The following PCGF3 variants were observed in gnomAD, a reference collection of about 807,000 sequenced individuals.
The protein encoded by PCGF3 is polycomb group ring finger 3, also known as polycomb group RING finger protein 3.
Under a neutral mutation model 33.1 loss-of-function variants are expected in PCGF3, and 7 were observed. The ratio of observed to expected loss-of-function variants is 0.21; its 90% CI spans 0.12 to 0.40. PCGF3 has a LOEUF of 0.40. Ranked by LOEUF, PCGF3 falls within the 10% of genes least tolerant of loss-of-function variation. The pLI, the probability that PCGF3 is intolerant of heterozygous loss-of-function variation, is 1.00. For synonymous variants in PCGF3, 153 were observed against 121.3 expected, an observed-to-expected ratio of 1.26 and a Z score of -1.72; for missense variants, 211 against 313.3, an observed-to-expected ratio of 0.67 and a Z score of 2.46.
chr4:728,399 CTG>C (rs545648218), intron 1 of PCGF3, among the ~76,000 whole-genome samples: 44 of 151,028 alleles, frequency 2.9e-4, no homozygotes, highest in Non-Finnish European at 5.5e-4. Context: ...CGTAAGTAAT[CTG>C]GGGATGGCGT....
chr4:728,837 C>T (rs1743434214), intron 1 of PCGF3, among the ~76,000 whole-genome samples: 1 of 151,988 alleles, frequency 6.6e-6, no homozygotes, highest in African/African-American at 2.4e-5. Context: ...TGGTGGCTCA[C>T]GCCTGTATTC....
At chr4:715,972 G>C (rs1378534173) in intron 1 of PCGF3, among the ~76,000 whole-genome samples, 4 of 98,712 alleles carry the variant, frequency 4.1e-5, no homozygotes, top group African/African-American at 3.5e-5. Context: ...CTGGGACCCT[G>C]AAGACACTGA....
rs10005061 is a variant in PCGF3 at position 764,671 on chromosome 4, C to G, written c.601-313C>G. ...CAGATAGGGGCGGGATGGGAGCCCA[C>G]CACTGCAAGGAGCTTGTGCCTGCGC... On this transcript the variant is annotated intron_variant, in intron 9 of 10. Transcript: ENST00000362003. The G allele has an allele frequency of 5.9e-3, 1,705 of 289,268 alleles. 25 individuals carry two copies. Among genetic ancestry groups the G allele is most frequent in the African/African-American group, 0.035 (1,602 of 45,334 alleles). 17.9% of individuals were successfully genotyped at this position (289,268 alleles called of 1,614,324 possible).
chr4:718,354 C>G (rs1434481456), intron 1 of PCGF3, among the ~76,000 whole-genome samples: 1 of 151,974 alleles, frequency 6.6e-6, no homozygotes, highest in Non-Finnish European at 1.5e-5. Context: ...CAGCTGCAGG[C>G]CTGCGGGGCC....
intron 1 of PCGF3, among the ~76,000 whole-genome samples, chr4:715,672 CTG>C (rs749417194): frequency 3.0e-4 from 38 of 125,802 alleles, no homozygotes; most frequent in Admixed American, 4.8e-4. Context: ...CCTCTAGACA[CTG>C]TGAGTGTGAG....
At chr4:730,562 A>C in intron 1 of PCGF3, 68 bp from the exon 2 acceptor site, 1 of 154,384 alleles carries the variant, frequency 6.5e-6, no homozygotes, top group East Asian at 1.9e-4. Flanking sequence ...CAGGCTTGGC[A>C]CCGCGGGTGG....
intron 8 of PCGF3, among the ~76,000 whole-genome samples, chr4:757,984 T>C (rs757744512): frequency 2.0e-5 from 3 of 151,912 alleles, no homozygotes; most frequent in Admixed American, 6.6e-5. Flanking sequence ...CTGGCCAACT[T>C]GGTGAAACCC....
intron 8 of PCGF3, among the ~76,000 whole-genome samples, chr4:754,223 C>T (rs773591502): frequency 2.0e-5 from 3 of 152,226 alleles, no homozygotes; most frequent in Non-Finnish European, 2.9e-5. Context: ...TCCCTGCCGC[C>T]CTCCAGAGGC....
At chr4:755,903 C>CTTTTT (rs1560215661) in intron 8 of PCGF3, among the ~76,000 whole-genome samples, 7 of 120,568 alleles carry the variant, frequency 5.8e-5, no homozygotes, top group African/African-American at 2.2e-4. Context: ...TCAGAATTGT[C>CTTTTT]CTTTTTTTTT....
intron 1 of PCGF3, among the ~76,000 whole-genome samples, 199 bp downstream of exon 1, chr4:706,169 C>A (rs367590336): frequency 1.2e-4 from 19 of 152,298 alleles, no homozygotes; most frequent in East Asian, 3.9e-4. Flanking sequence ...GTCGAAGACC[C>A]CAGCCCAGGC....
At chr4:744,539 T>G in intron 7 of PCGF3, 61 bp from the exon 8 acceptor site, 1 of 1,324,640 alleles carries the variant, frequency 7.5e-7, no homozygotes, top group Non-Finnish European at 1.1e-6. Flanking sequence ...TACAGTGTAG[T>G]TTTTTAAATG....
chr4:731,440 G>C (rs1424872852), intron 3 of PCGF3: 1 of 344,994 alleles, frequency 2.9e-6, no homozygotes, highest in Non-Finnish European at 5.2e-6. Context: ...TGAGGCGGTC[G>C]GCTAGCATCC....
At chr4:755,644 T>G (rs1016114872) in intron 8 of PCGF3, among the ~76,000 whole-genome samples, 1 of 152,192 alleles carries the variant, frequency 6.6e-6, no homozygotes, top group African/African-American at 2.4e-5. Context: ...GTAAAATATT[T>G]TAAAGGTTTG....
chr4:768,117 C>G (rs1421386825), exon 11 of PCGF3: 2 of 152,696 alleles, frequency 1.3e-5, no homozygotes, highest in East Asian at 1.9e-4. Flanking sequence ...TGGTGCTAAG[C>G]TGATAGATTT....
exon 11 of PCGF3, chr4:767,498 T>C (rs1010784661): frequency 2.0e-5 from 3 of 152,350 alleles, no homozygotes; most frequent in African/African-American, 7.2e-5. Flanking sequence ...GGAGCCCAGG[T>C]GGTCCTTGGC....
Position 731,289 on chromosome 4 carries a change from G to A in PCGF3, c.-10+179G>A, listed in dbSNP as rs181316978. 6.0e-5 allele frequency: 24 copies of A among 398,726 alleles called. No individual in the cohort carries two copies. The Admixed American group carries it at 1.1e-3, about 18-fold the overall frequency. The allele number at this position is 398,726 out of a possible 1,614,324, so 24.7% of individuals were successfully genotyped here. ...GTGAGAGTCCAAGGTCCAGCCAGCT[G>A]TGGGGGTCCCAGGCCTCGATGGCAG... On this transcript the variant is annotated intron_variant, in intron 3 of 10. Coordinates refer to ENST00000362003, the Ensembl canonical transcript of PCGF3.
intron 9 of PCGF3, chr4:761,940 G>T (rs969025650): frequency 4.0e-5 from 39 of 985,434 alleles, no homozygotes; most frequent in Non-Finnish European, 4.7e-5. Flanking sequence ...GCTGGCGGCT[G>T]TGGGCAGGAG....
chr4:764,754 C>A (rs1271215777), intron 9 of PCGF3: 3 of 509,588 alleles, frequency 5.9e-6, no homozygotes, highest in Non-Finnish European at 1.1e-5. Context: ...CCTGTAATAT[C>A]TTATATGTTG....
At chr4:765,789 G>A (rs536577353) in intron 10 of PCGF3, among the ~76,000 whole-genome samples, 18 of 152,268 alleles carry the variant, frequency 1.2e-4, no homozygotes, top group South Asian at 2.1e-4. Flanking sequence ...TGGCCACCAC[G>A]GTGTGCACAG....
Sources: allele counts gnomAD v4.1 joint callset (sites outside exome capture counted in the v4.1 genomes callset), GRCh38; gene constraint gnomAD v4.1.1; transcripts MANE v1.5; gene names NCBI Gene and HGNC (gene_info 2026-07-23, HGNC 2026-07-21).